The following NR6A1 variants were observed in gnomAD, a reference collection of about 807,000 sequenced individuals.
NR6A1 encodes retinoic acid receptor-related testis-associated receptor.
Under a neutral mutation model 59.1 loss-of-function variants are expected in NR6A1, and 7 were observed. The ratio of observed to expected loss-of-function variants is 0.12; its 90% confidence interval spans 0.07 to 0.22. NR6A1 has a LOEUF of 0.22. Among genes scored for constraint, NR6A1 ranks in the 10% least tolerant of loss-of-function variants. NR6A1 has a pLI of 1.00. For synonymous variants in NR6A1, 243 were observed against 236.1 expected (o/e 1.03, Z -0.27); for missense variants, 468 against 611.6 (o/e 0.77, Z 2.48).
At chr9:124,660,060 G>A (rs2130939490) in intron 2 of NR6A1, among the ~76,000 whole-genome samples, 2 of 152,220 alleles carry the variant, frequency 1.3e-5, no homozygotes, top group Middle Eastern at 3.4e-3. Flanking sequence ...ATTTTAAAGG[G>A]TTGTTTTCTT....
intron 2 of NR6A1, among the ~76,000 whole-genome samples, chr9:124,715,023 C>T (rs897934158): frequency 1.3e-5 from 2 of 152,086 alleles, no homozygotes; most frequent in Middle Eastern, 3.4e-3. Flanking sequence ...CATGGTAAAA[C>T]CCCATCACTA....
intron 2 of NR6A1, among the ~76,000 whole-genome samples, chr9:124,598,342 G>A (rs1425081694): frequency 1.6e-4 from 24 of 146,488 alleles, no homozygotes; most frequent in African/African-American, 4.8e-4. Flanking sequence ...GAGTGACCTC[G>A]TCCCTACTTA....
chr9:124,636,619 A>AT (rs1217042425), intron 2 of NR6A1, among the ~76,000 whole-genome samples: 2 of 152,054 alleles, frequency 1.3e-5, no homozygotes, highest in Non-Finnish European at 2.9e-5. Flanking sequence ...GTCTTGATTC[A>AT]TTTTTTTGCA....
intron 2 of NR6A1, among the ~76,000 whole-genome samples, chr9:124,637,471 C>T (rs755634722): frequency 3.3e-5 from 5 of 152,128 alleles, no homozygotes; most frequent in Non-Finnish European, 5.9e-5. Context: ...CTGCACTTAA[C>T]GCTCAAAACT....
At chr9:124,530,272 G>A (rs1258837249) in intron 7 of NR6A1, among the ~76,000 whole-genome samples, 2 of 152,126 alleles carry the variant, frequency 1.3e-5, no homozygotes, top group African/African-American at 4.8e-5. Flanking sequence ...CCCCAGCAGT[G>A]ATGGGGGCTG....
chr9:124,701,350 T>C (rs1838945588), intron 2 of NR6A1, among the ~76,000 whole-genome samples: 1 of 152,240 alleles, frequency 6.6e-6, no homozygotes, highest in Admixed American at 6.5e-5. Context: ...TTGCATGTGA[T>C]GAAATGTTCT....
chr9:124,522,765 C>T lies in NR6A1; in HGVS notation c.1383G>A (p.Gln461=). 6.3e-7 allele frequency: 1 copy of T among 1,593,360 alleles called. No homozygotes were observed. The highest frequency in any genetic ancestry group is 8.5e-7 in the Non-Finnish European group (1 of 1,169,938). The change falls in exon 10 of 10, where the codon CAG becomes CAA. Residue 461 remains glutamine (Q), a synonymous_variant. Coordinates refer to ENST00000487099, the MANE Select transcript of NR6A1 (RefSeq NM_033334.4). ...AGKMVNVPLE[Q]LPLLFKVVLH... ...GCACCACCTTAAAGAGGAGGGGCAG[C>T]TGCTCCAGGGGCACATTCACCATCT...
At chr9:124,650,632 T>C (rs1405669808) in intron 2 of NR6A1, among the ~76,000 whole-genome samples, 2 of 152,220 alleles carry the variant, frequency 1.3e-5, no homozygotes, top group Non-Finnish European at 2.9e-5. Context: ...ATGTTGTAGG[T>C]GATTTCCCTA....
intron 2 of NR6A1, among the ~76,000 whole-genome samples, chr9:124,561,004 T>C (rs917358460): frequency 1.1e-4 from 17 of 152,118 alleles, no homozygotes; most frequent in African/African-American, 3.9e-4. Context: ...CCTCAACTTG[T>C]GGATAGAAAA....
At chr9:124,571,686 C>T (rs1196391504) in intron 2 of NR6A1, among the ~76,000 whole-genome samples, 1 of 152,106 alleles carries the variant, frequency 6.6e-6, no homozygotes, top group East Asian at 1.9e-4. Flanking sequence ...GGATATTTGT[C>T]TAGGTGGTAG....
intron 8 of NR6A1, among the ~76,000 whole-genome samples, chr9:124,525,864 G>T (rs967497181): frequency 6.6e-6 from 1 of 152,160 alleles, no homozygotes; most frequent in African/African-American, 2.4e-5. Context: ...TACGTCAAGT[G>T]CCATCAGAAT....
At chr9:124,695,872 C>T (rs2131033719) in intron 2 of NR6A1, among the ~76,000 whole-genome samples, 1 of 152,252 alleles carries the variant, frequency 6.6e-6, no homozygotes, top group African/African-American at 2.4e-5. Flanking sequence ...TATTTATTTA[C>T]AGACTATTAC....
chr9:124,657,195 G>T (rs1490528810), intron 2 of NR6A1, among the ~76,000 whole-genome samples: 1 of 152,022 alleles, frequency 6.6e-6, no homozygotes, highest in Non-Finnish European at 1.5e-5. Flanking sequence ...GCTTTTCTCG[G>T]GTTAAGACAA....
At chr9:124,586,172 G>C (rs1430181710) in intron 2 of NR6A1, among the ~76,000 whole-genome samples, 4 of 152,180 alleles carry the variant, frequency 2.6e-5, no homozygotes, top group African/African-American at 9.6e-5. Flanking sequence ...AGCTGCCATA[G>C]ATAGTGATTC....
chr9:124,536,685 G>A (rs1833277754), intron 6 of NR6A1, among the ~76,000 whole-genome samples: 1 of 151,056 alleles, frequency 6.6e-6, no homozygotes, highest in Non-Finnish European at 1.5e-5. Flanking sequence ...AAAAAGAAAT[G>A]TGTCCAATTG....
intron 6 of NR6A1, among the ~76,000 whole-genome samples, chr9:124,537,329 C>T (rs963245819): frequency 3.3e-5 from 5 of 152,144 alleles, no homozygotes; most frequent in South Asian, 2.1e-4. Flanking sequence ...CCTGGTGATC[C>T]GCCCACCTAG....
chr9:124,740,966 A>G (rs1409551654), intron 1 of NR6A1, among the ~76,000 whole-genome samples: 2 of 152,216 alleles, frequency 1.3e-5, no homozygotes, highest in Admixed American at 1.3e-4. Flanking sequence ...CTACAATGCC[A>G]CTACAATGAA....
At chr9:124,636,129 G>A (rs1338956732) in intron 2 of NR6A1, among the ~76,000 whole-genome samples, 2 of 152,162 alleles carry the variant, frequency 1.3e-5, no homozygotes, top group Non-Finnish European at 2.9e-5. Flanking sequence ...CTTTTCTTAT[G>A]CTTTTTCACC....
chr9:124,702,032 G>C (rs779539523), intron 2 of NR6A1, among the ~76,000 whole-genome samples: 1 of 152,068 alleles, frequency 6.6e-6, no homozygotes, highest in Non-Finnish European at 1.5e-5. Context: ...GCCTTTACCA[G>C]ATATTTAATT....
Sources: gnomAD v4.1 joint callset for allele counts (sites outside exome capture counted in the v4.1 genomes callset) on GRCh38, gnomAD v4.1.1 for gene constraint, MANE v1.5 for transcripts, NCBI Gene and HGNC (gene_info 2026-07-23, HGNC 2026-07-21) for gene names.